The following MTSS1 variants were observed in gnomAD, a reference collection of about 807,000 sequenced individuals.
The protein encoded by MTSS1 is MTSS I-BAR domain containing 1.
In MTSS1, 18 loss-of-function variants were observed where a neutral mutation model predicts 79.0. The observed-to-expected ratio is 0.23, with a 90% CI of 0.16 to 0.34. The LOEUF (loss-of-function observed/expected upper bound fraction) is 0.34, where lower values mean the gene tolerates loss of function less well. Ranked by LOEUF, MTSS1 falls within the 10% of genes least tolerant of loss-of-function variation. The probability of loss-of-function intolerance (pLI) is 1.00; values close to 1 mark genes in which losing one functional copy is unlikely to be tolerated. For missense variants in MTSS1, 815 were observed against 986.2 expected (o/e 0.83, Z 2.33); for synonymous variants, 341 against 368.6 (o/e 0.93, Z 0.86).
At chr8:124,614,031 G>T (rs906959079) in intron 3 of MTSS1, among the ~76,000 whole-genome samples, 3 of 152,006 alleles carry the variant, frequency 2.0e-5, no homozygotes, top group Non-Finnish European at 4.4e-5. Context: ...AGGCTTGGTG[G>T]TCTGCATCTG....
At chr8:124,563,883 C>T (rs990463736) in intron 9 of MTSS1, among the ~76,000 whole-genome samples, 8 of 152,312 alleles carry the variant, frequency 5.3e-5, no homozygotes, top group African/African-American at 1.9e-4. Context: ...GTAATCCCAA[C>T]ACTTCAGAAG....
intron 11 of MTSS1, among the ~76,000 whole-genome samples, chr8:124,556,986 C>T (rs1028082283): frequency 6.6e-6 from 1 of 152,246 alleles, no homozygotes; most frequent in Non-Finnish European, 1.5e-5. Context: ...AAGTCAAAAC[C>T]TGCTTAAAAC....
At chr8:124,601,088 T>G (rs1833721200) in intron 3 of MTSS1, among the ~76,000 whole-genome samples, 1 of 127,386 alleles carries the variant, frequency 7.9e-6, no homozygotes. Context: ...TTTTTTTGAG[T>G]CTCACTCTGT....
chr8:124,678,502 AG>A (rs1410926727), intron 3 of MTSS1, among the ~76,000 whole-genome samples: 1 of 152,252 alleles, frequency 6.6e-6, no homozygotes, highest in East Asian at 1.9e-4. Context: ...CAGAAGGCAA[AG>A]GAAGAGCAAA....
chr8:124,580,779 T>G (rs1829897486), intron 6 of MTSS1: 3 of 493,830 alleles, frequency 6.1e-6, no homozygotes, highest in Non-Finnish European at 1.1e-5. Context: ...CCTTCTCATC[T>G]AAACAAAACC....
chr8:124,625,816 C>T (rs997730014), intron 3 of MTSS1, among the ~76,000 whole-genome samples: 1 of 152,222 alleles, frequency 6.6e-6, no homozygotes, highest in African/African-American at 2.4e-5. Context: ...GAAGGCCACA[C>T]ATCCATTTTC....
chr8:124,558,572 C>T, intron 10 of MTSS1: 1 of 1,233,062 alleles, frequency 8.1e-7, no homozygotes, highest in Non-Finnish European at 1.1e-6. Context: ...CAGCCTTGTC[C>T]CACCCTCTGT....
chr8:124,637,808 T>C (rs1266492978), intron 3 of MTSS1, among the ~76,000 whole-genome samples: 3 of 152,248 alleles, frequency 2.0e-5, no homozygotes, highest in Non-Finnish European at 4.4e-5. Context: ...ATTTTGGATG[T>C]ATACACTTGC....
chr8:124,557,538 T>C, intron 11 of MTSS1, 143 bp downstream of exon 11: 1 of 916,222 alleles, frequency 1.1e-6, no homozygotes. Context: ...AATGGGAGTT[T>C]CCTGAGGGAG....
chr8:124,589,795 C>G, intron 4 of MTSS1, 84 bp from the exon 5 acceptor site: 4 of 980,764 alleles, frequency 4.1e-6, no homozygotes, highest in Non-Finnish European at 6.4e-6. Flanking sequence ...TCAAAACATA[C>G]CTAAATCACA....
intron 6 of MTSS1, among the ~76,000 whole-genome samples, chr8:124,571,585 A>G (rs1461623651): frequency 6.6e-6 from 1 of 152,210 alleles, no homozygotes; most frequent in African/African-American, 2.4e-5. Context: ...GATGGTGAAC[A>G]GAAGTCGGGA....
chr8:124,686,713 C>A (rs1304341191), intron 3 of MTSS1, among the ~76,000 whole-genome samples: 1 of 151,992 alleles, frequency 6.6e-6, no homozygotes, highest in Non-Finnish European at 1.5e-5. Context: ...GCTAACCAAC[C>A]TACAATGCAC....
intron 1 of MTSS1, among the ~76,000 whole-genome samples, chr8:124,716,385 G>A (rs1264532854): frequency 1.3e-5 from 2 of 152,206 alleles, no homozygotes; most frequent in Non-Finnish European, 2.9e-5. Flanking sequence ...CTGCCTGATC[G>A]CATTCCAAGT....
intron 3 of MTSS1, among the ~76,000 whole-genome samples, chr8:124,615,830 A>AACCAGATC (rs1236461039): frequency 6.6e-6 from 1 of 152,208 alleles, no homozygotes; most frequent in Admixed American, 6.5e-5. Context: ...CTCCTTCCCT[A>AACCAGATC]ACCAGATCAG....
intron 1 of MTSS1, among the ~76,000 whole-genome samples, chr8:124,718,533 T>C (rs1007860852): frequency 2.0e-5 from 3 of 152,074 alleles, no homozygotes; most frequent in Admixed American, 2.0e-4. Context: ...CGAGCGGGCT[T>C]TGAAGGTTCA....
intron 3 of MTSS1, among the ~76,000 whole-genome samples, chr8:124,617,688 G>A (rs1587326156): frequency 6.6e-6 from 1 of 152,100 alleles, no homozygotes; most frequent in East Asian, 1.9e-4. Flanking sequence ...TCACCTACCT[G>A]ATCATGCCAC....
intron 2 of MTSS1, among the ~76,000 whole-genome samples, chr8:124,700,111 C>T (rs1829495434): frequency 6.6e-6 from 1 of 151,424 alleles, no homozygotes; most frequent in Non-Finnish European, 1.5e-5. Flanking sequence ...TGCACTCCAG[C>T]CTAGGTGACA....
intron 13 of MTSS1, among the ~76,000 whole-genome samples, chr8:124,554,573 T>TG (rs1358800477): frequency 6.6e-6 from 1 of 152,246 alleles, no homozygotes; most frequent in African/African-American, 2.4e-5. Flanking sequence ...ATTTTCATCT[T>TG]GCCTGACTTG....
chr8:124,725,840 T>C (rs928798332), intron 1 of MTSS1, among the ~76,000 whole-genome samples: 3 of 152,236 alleles, frequency 2.0e-5, no homozygotes. Context: ...AATTGTCTTA[T>C]GCATAAACAA....
Sources: allele counts gnomAD v4.1 joint callset (sites outside exome capture counted in the v4.1 genomes callset), GRCh38; gene constraint gnomAD v4.1.1; transcripts MANE v1.5; gene names NCBI Gene and HGNC (gene_info 2026-07-23, HGNC 2026-07-21).